Variants in MFF observed in about 807,000 individuals in gnomAD.
The protein encoded by MFF is chromosome 2 open reading frame 33.
MFF carries 12 observed loss-of-function variants against 36.9 expected under a neutral mutation model. That is an observed-to-expected ratio of 0.33 (90% CI 0.21 to 0.53). The LOEUF (loss-of-function observed/expected upper bound fraction) is 0.53, where lower values mean the gene tolerates loss of function less well. MFF is among the 20% of genes least tolerant of loss of function. The pLI is 0.95. For synonymous variants in MFF, 99 were observed against 126.2 expected (o/e 0.78, Z 1.44); for missense variants, 348 against 366.6 (o/e 0.95, Z 0.42).
Position 227,347,527 on chromosome 2 carries a change from T to A in MFF, c.599+143T>A, listed in dbSNP as rs999483707. ...TGATTTGAAACAGCTTGCTTTACTT[T>A]CTTTTAATTTGAAATTATTGTCCAA... On this transcript the variant is annotated intron_variant, in intron 6 of 8. Transcript: ENST00000304593. 3 of 673,526 alleles carry A rather than the reference T, an allele frequency of 4.5e-6. No individual in the cohort carries two copies. In the African/African-American group the frequency reaches 5.4e-5, roughly 12 times the overall value. 41.7% of individuals were successfully genotyped at this position (673,526 alleles called of 1,614,324 possible). A position where few individuals can be genotyped will look rare whatever the true frequency, so the allele number is the denominator to read the frequency against.
At chr2:227,352,362 G>A (rs977133108) in intron 6 of MFF, 152 bp from the exon 7 acceptor site, 2 of 586,640 alleles carry the variant, frequency 3.4e-6, no homozygotes, top group African/African-American at 1.9e-5. Flanking sequence ...ATGAGACAAG[G>A]ATTTTTTAAA....
intron 4 of MFF, among the ~76,000 whole-genome samples, chr2:227,335,016 A>G (rs1641503367): frequency 6.6e-6 from 1 of 151,946 alleles, no homozygotes; most frequent in South Asian, 2.1e-4. Flanking sequence ...TGAAAATACA[A>G]AAATTAGCTG....
intron 5 of MFF, among the ~76,000 whole-genome samples, chr2:227,341,378 C>G (rs2075382625): frequency 6.6e-6 from 1 of 151,264 alleles, no homozygotes; most frequent in East Asian, 1.9e-4. Context: ...AAATTCCATT[C>G]TCTTGTGTTA....
chr2:227,349,171 CA>C (rs978915240), intron 6 of MFF, among the ~76,000 whole-genome samples: 14 of 151,392 alleles, frequency 9.2e-5, no homozygotes, highest in African/African-American at 3.4e-4. Context: ...TTATATGTCC[CA>C]AAAAGTAAAA....
At chr2:227,335,638 A>G (rs112198290) in intron 4 of MFF, among the ~76,000 whole-genome samples, 3 of 152,374 alleles carry the variant, frequency 2.0e-5, no homozygotes, top group South Asian at 2.1e-4. Flanking sequence ...GAGGAAGCCT[A>G]TAAAATTGTT....
intron 1 of MFF, among the ~76,000 whole-genome samples, chr2:227,327,187 A>C (rs1240655383): frequency 1.3e-5 from 2 of 152,230 alleles, no homozygotes; most frequent in Middle Eastern, 3.4e-3. Context: ...GAAAAAAAAA[A>C]CCCATGAAGT....
At chr2:227,332,311 G>C in intron 3 of MFF, 108 bp from the exon 4 acceptor site, 1 of 834,048 alleles carries the variant, frequency 1.2e-6, no homozygotes, top group Non-Finnish European at 1.9e-6. Flanking sequence ...TTATTGGGTG[G>C]TATAATTCAA....
intron 5 of MFF, chr2:227,342,798 C>A: frequency 6.2e-7 from 1 of 1,613,560 alleles, no homozygotes; most frequent in Non-Finnish European, 8.5e-7. Flanking sequence ...TTCCAGGCAC[C>A]GATTTCTGCA....
chr2:227,346,202 C>T (rs771480691), intron 5 of MFF: 1 of 166,892 alleles, frequency 6.0e-6, no homozygotes, highest in Non-Finnish European at 1.5e-5. Context: ...AATTGTTTAC[C>T]ATCTGCTTTG....
chr2:227,342,951 T>C, intron 5 of MFF: 1 of 643,284 alleles, frequency 1.6e-6, no homozygotes, highest in South Asian at 2.4e-5. Flanking sequence ...TTTTAGTACC[T>C]CTGTTTCAGG....
chr2:227,328,312 A>C (rs961800159), intron 1 of MFF, among the ~76,000 whole-genome samples: 4 of 148,164 alleles, frequency 2.7e-5, no homozygotes, highest in Admixed American at 6.8e-5. Flanking sequence ...AAAAAAAAAA[A>C]AAAAAAAACC....
At chr2:227,330,948 G>C in intron 3 of MFF, 102 bp downstream of exon 3, 1 of 908,306 alleles carries the variant, frequency 1.1e-6, no homozygotes, top group Non-Finnish European at 1.7e-6. Flanking sequence ...AAAGGAGTTG[G>C]AAAATGCAAC....
At chr2:227,339,397 G>A (rs1429725067) in intron 4 of MFF, among the ~76,000 whole-genome samples, 1 of 152,148 alleles carries the variant, frequency 6.6e-6, no homozygotes, top group Admixed American at 6.5e-5. Context: ...GTTCTTCAAT[G>A]TCTGGGGCCT....
At chr2:227,332,323 A>G in intron 3 of MFF, 96 bp from the exon 4 acceptor site, 1 of 945,528 alleles carries the variant, frequency 1.1e-6, no homozygotes, top group Non-Finnish European at 1.6e-6. Context: ...ATAATTCAAA[A>G]GCAGAAGAAG....
At chr2:227,331,733 C>T (rs765942817) in intron 3 of MFF, among the ~76,000 whole-genome samples, 14 of 151,920 alleles carry the variant, frequency 9.2e-5, no homozygotes, top group Non-Finnish European at 1.8e-4. Context: ...ATTCTATTTC[C>T]CTGATTATTA....
intron 6 of MFF, among the ~76,000 whole-genome samples, chr2:227,350,607 A>G (rs2075946867): frequency 1.3e-5 from 2 of 152,120 alleles, no homozygotes; most frequent in Admixed American, 6.6e-5. Flanking sequence ...AGCGTTTGTT[A>G]TTTATAATTT....
chr2:227,329,902 G>A (rs1300943421), intron 2 of MFF: 2 of 596,620 alleles, frequency 3.4e-6, no homozygotes, highest in Non-Finnish European at 5.8e-6. Flanking sequence ...TGTATTGGCG[G>A]CAACATTCTT....
At chr2:227,356,671 T>C (rs994834693) in intron 8 of MFF, among the ~76,000 whole-genome samples, 1 of 152,062 alleles carries the variant, frequency 6.6e-6, no homozygotes, top group Admixed American at 6.5e-5. Context: ...GCATACTGAG[T>C]CTTTTCTGCC....
At chr2:227,339,402 G>C (rs2075260443) in intron 4 of MFF, among the ~76,000 whole-genome samples, 1 of 152,064 alleles carries the variant, frequency 6.6e-6, no homozygotes. Flanking sequence ...TCAATGTCTG[G>C]GGCCTAAGCT....
Sources: gnomAD v4.1 joint callset for allele counts (sites outside exome capture counted in the v4.1 genomes callset) on GRCh38, gnomAD v4.1.1 for gene constraint, MANE v1.5 for transcripts, NCBI Gene and HGNC (gene_info 2026-07-23, HGNC 2026-07-21) for gene names.